The following SOX13 variants were observed in gnomAD, a reference collection of about 807,000 sequenced individuals.
SOX13 encodes SRY-box transcription factor 13, also known as transcription factor SOX-13.
Under a neutral mutation model 71.8 loss-of-function variants are expected in SOX13, and 28 were observed. The observed-to-expected ratio is 0.39, with a 90% CI of 0.29 to 0.53. The LOEUF (loss-of-function observed/expected upper bound fraction) is 0.53. SOX13 is among the 20% of genes least tolerant of loss of function. The probability of loss-of-function intolerance (pLI) is 0.70; values close to 1 mark genes in which losing one functional copy is unlikely to be tolerated. For synonymous variants in SOX13, 309 were observed against 317.8 expected (o/e 0.97, Z 0.29); for missense variants, 627 against 810.3 (o/e 0.77, Z 2.75).
chr1:204,085,912 G>A (rs1016013276), intron 1 of SOX13, among the ~76,000 whole-genome samples: 2 of 151,496 alleles, frequency 1.3e-5, no homozygotes, highest in Non-Finnish European at 2.9e-5. Flanking sequence ...CCCGGGAGGC[G>A]GAGCAGTGAT....
At chr1:204,089,684 G>A (rs111438139) in intron 1 of SOX13, among the ~76,000 whole-genome samples, 11 of 152,304 alleles carry the variant, frequency 7.2e-5, no homozygotes, top group Non-Finnish European at 1.2e-4. Context: ...AGAGCCCTGC[G>A]GGCACCAGGG....
At position 204,117,631 on chromosome 1, in the gene SOX13, C is replaced by G. The variant is rs779167472; in HGVS notation, c.699C>G (p.Pro233=). 1.9e-6 allele frequency: 3 copies of G among 1,613,662 alleles called. No individual in the cohort carries two copies. Among genetic ancestry groups the G allele is most frequent in the South Asian group, 1.1e-5 (1 of 90,892 alleles). Residue 233 remains proline, a synonymous_variant, in exon 7 of 14, where the codon CCC becomes CCG. Transcript: ENST00000367204. ...NMPYVMIPAF[P]PSHQPLPVTP... is the part of the protein sequence containing the mutation. ...CTTATGTCATGATCCCAGCCTTCCC[C>G]CCAAGCCACCAACCTCTGCCTGTCA...
intron 1 of SOX13, among the ~76,000 whole-genome samples, chr1:204,076,631 G>A (rs1655790912): frequency 6.6e-6 from 1 of 152,220 alleles, no homozygotes; most frequent in African/African-American, 2.4e-5. Flanking sequence ...AGGAAGAACA[G>A]GGTGCTGCTG....
chr1:204,094,361 C>A (rs1445507347), intron 1 of SOX13, among the ~76,000 whole-genome samples: 1 of 152,186 alleles, frequency 6.6e-6, no homozygotes, highest in Non-Finnish European at 1.5e-5. Flanking sequence ...TTATTTTTTC[C>A]CCTCCATACA....
intron 1 of SOX13, among the ~76,000 whole-genome samples, chr1:204,084,659 G>T (rs1655979369): frequency 6.6e-6 from 1 of 152,058 alleles, no homozygotes; most frequent in Non-Finnish European, 1.5e-5. Context: ...AGACACAAAG[G>T]GCCTCTTGTC....
intron 1 of SOX13, among the ~76,000 whole-genome samples, chr1:204,092,992 C>T (rs911471306): frequency 6.6e-6 from 1 of 152,126 alleles, no homozygotes; most frequent in Non-Finnish European, 1.5e-5. Flanking sequence ...TAGAATAGTG[C>T]GTGGGAATCT....
At chr1:204,107,281 A>C (rs765872087) in intron 1 of SOX13, among the ~76,000 whole-genome samples, 1 of 152,206 alleles carries the variant, frequency 6.6e-6, no homozygotes, top group Non-Finnish European at 1.5e-5. Context: ...CAGGGCAGGA[A>C]TTTAAACCCA....
At chr1:204,120,982 C>CTTT (rs11454769) in intron 7 of SOX13, among the ~76,000 whole-genome samples, 2 of 140,580 alleles carry the variant, frequency 1.4e-5, no homozygotes, top group East Asian at 2.1e-4. Context: ...ATTTTAAATT[C>CTTT]TTTTTTTTTT....
rs548239994 is a variant in SOX13 at position 204,108,949 on chromosome 1, T to C, written c.-1-3966T>C. 9.2e-5 allele frequency among the ~76,000 whole-genome samples: 14 copies of C among 152,316 alleles called. No homozygotes were observed. In the South Asian group the frequency reaches 2.5e-3, roughly 27 times the overall value. ...GCTTGAGCCCAGGGTTTGTTTGTTATGTAATTGCTGCCTTCGGCTTCAGGA... is the reference window on the plus strand; with the variant it reads ...GCTTGAGCCCAGGGTTTGTTTGTTACGTAATTGCTGCCTTCGGCTTCAGGA... On this transcript the variant is annotated intron_variant, in intron 1 of 13. Transcript: ENST00000367204.
intron 1 of SOX13, among the ~76,000 whole-genome samples, chr1:204,103,132 C>T (rs1415051988): frequency 2.6e-5 from 4 of 152,264 alleles, no homozygotes; most frequent in Admixed American, 2.6e-4. Context: ...TTATCTCTTA[C>T]TCACAAAATA....
chr1:204,112,024 A>G (rs185854747), intron 1 of SOX13, among the ~76,000 whole-genome samples: 8 of 152,348 alleles, frequency 5.3e-5, no homozygotes, highest in Non-Finnish European at 8.8e-5. Flanking sequence ...TGGCCTGTCC[A>G]TAAGAAATAC....
At position 204,092,871 on chromosome 1, in the gene SOX13, G is replaced by A. The variant is rs568925501; in HGVS notation, c.-2+19160G>A. Among the ~76,000 whole-genome samples, 3 of 151,244 alleles carry A rather than the reference G, an allele frequency of 2.0e-5. No individual in the cohort carries two copies. The Admixed American group carries it at 2.0e-4, about 10-fold the overall frequency. ...TACGTGCAGATTTGCTGTGCAGCAC[G>A]GGTCAAGTTACTTAGCCTCTCTGTG... On this transcript the variant is annotated intron_variant, in intron 1 of 13. Transcript: ENST00000367204.
chr1:204,117,656 A>C lies in SOX13; in HGVS notation c.724A>C (p.Thr242Pro). The change falls in exon 7 of 14, where the codon ACC (threonine) becomes CCC (proline). Residue 242 changes from threonine (T) to proline (P), a missense_variant. Around this residue, in one of 3 missense-constraint regions of SOX13, gnomAD observed 447 missense variants for 532.2 expected, o/e 0.84. Coordinates refer to ENST00000367204, the MANE Select transcript of SOX13 (RefSeq NM_005686.3). ...CCCAAGCCACCAACCTCTGCCTGTC[A>C]CCCCTGACTCCCAGCTGGCCTTACC... ...FPPSHQPLPV[T>P]PDSQLALPIQ... is the part of the protein sequence containing the mutation. 6.2e-7 allele frequency: 1 copy of C among 1,613,452 alleles called. No homozygotes were observed. The highest frequency in any genetic ancestry group is 8.5e-7 in the Non-Finnish European group (1 of 1,179,774).
rs2102266888 is a variant in SOX13 at position 204,123,634 on chromosome 1, T to C, written c.1232-27T>C. The C allele has an allele frequency of 1.2e-6, 2 of 1,608,604 alleles. No homozygotes were observed. The highest frequency in any genetic ancestry group is 1.7e-6 in the Non-Finnish European group (2 of 1,177,370). On this transcript the variant is annotated intron_variant, in intron 11 of 13. Transcript: ENST00000367204. The surrounding 1 kb of genome is among the most constrained non-coding windows in gnomAD (Gnocchi z 5.0). Reference sequence around the variant, plus strand: ...ACTCTCCTGACCCCAGACAGGCTGCTTGGCTGACTTCACTCCTGTCTCCCA... The same window carrying C: ...ACTCTCCTGACCCCAGACAGGCTGCCTGGCTGACTTCACTCCTGTCTCCCA...
At chr1:204,094,284 G>A (rs562909803) in intron 1 of SOX13, among the ~76,000 whole-genome samples, 17 of 152,178 alleles carry the variant, frequency 1.1e-4, no homozygotes, top group Non-Finnish European at 1.9e-4. Flanking sequence ...GCTCAAACTC[G>A]AGCCCTCTGC....
At chr1:204,104,849 G>A (rs1457108557) in intron 1 of SOX13, among the ~76,000 whole-genome samples, 1 of 152,112 alleles carries the variant, frequency 6.6e-6, no homozygotes, top group African/African-American at 2.4e-5. Context: ...TTTTTGTAGG[G>A]TGGGGGAAGG....
intron 7 of SOX13, chr1:204,119,156 C>T (rs1291559574): frequency 1.3e-5 from 2 of 152,440 alleles, no homozygotes; most frequent in South Asian, 4.1e-4. Flanking sequence ...CCCACTGGCT[C>T]TCTGCTCCTG....
At chr1:204,112,650 C>G (rs1189450914) in intron 1 of SOX13, among the ~76,000 whole-genome samples, 1 of 152,138 alleles carries the variant, frequency 6.6e-6, no homozygotes, top group Non-Finnish European at 1.5e-5. Flanking sequence ...ACACAGGCAG[C>G]TGCTGCGCAA....
chr1:204,114,456 A>G (rs1215186842), intron 3 of SOX13, 24 bp downstream of exon 3: 3 of 1,604,204 alleles, frequency 1.9e-6, no homozygotes, highest in Non-Finnish European at 1.7e-6. Context: ...CCTAGTTAGA[A>G]GCAGAGGCCT....
Sources: gnomAD v4.1 joint callset for allele counts (sites outside exome capture counted in the v4.1 genomes callset) on GRCh38, gnomAD v4.1.1 for gene constraint, gnomAD v4.1.1 regional missense constraint, Gnocchi (gnomAD v3.1) non-coding constraint, MANE v1.5 for transcripts, NCBI Gene and HGNC (gene_info 2026-07-23, HGNC 2026-07-21) for gene names.